The following ITGA1 variants were observed in gnomAD, a reference collection of about 807,000 sequenced individuals.
ITGA1 encodes integrin alpha-1.
ITGA1 carries 85 observed loss-of-function variants against 145.9 expected under a neutral mutation model. The ratio of observed to expected loss-of-function variants is 0.58; its 90% confidence interval spans 0.49 to 0.70. The LOEUF is 0.70. ITGA1 is among the 30% of genes least tolerant of loss of function. The pLI is 0.00. For missense variants in ITGA1, 1,351 were observed against 1,418.7 expected (o/e 0.95, Z 0.77); for synonymous variants, 520 against 495.3 (o/e 1.05, Z -0.66).
intron 1 of ITGA1, among the ~76,000 whole-genome samples, chr5:52,825,616 G>A (rs556713138): frequency 6.6e-6 from 1 of 152,176 alleles, no homozygotes; most frequent in African/African-American, 2.4e-5. Flanking sequence ...AGGCACAAAA[G>A]TATTGAAATT....
intron 23 of ITGA1, among the ~76,000 whole-genome samples, chr5:52,934,395 T>C (rs1750935859): frequency 6.6e-6 from 1 of 151,848 alleles, no homozygotes; most frequent in African/African-American, 2.4e-5. Flanking sequence ...AAAGCACTTT[T>C]TCATTAATTA....
chr5:52,802,859 T>A (rs1454401424), intron 1 of ITGA1: 1 of 152,216 alleles, frequency 6.6e-6, no homozygotes, highest in African/African-American at 2.4e-5. Flanking sequence ...CAATACTCTT[T>A]ACTATCATTG....
chr5:52,881,805 G>A, intron 6 of ITGA1, 68 bp from the exon 7 acceptor site: 1 of 1,442,922 alleles, frequency 6.9e-7, no homozygotes, highest in Non-Finnish European at 9.5e-7. Context: ...GATTCACATG[G>A]TTAACCTGAA....
Position 52,939,900 on chromosome 5 carries a change from C to T in ITGA1, c.3241C>T (p.Gln1081Ter), listed in dbSNP as rs760937519. Residue 1081 changes from glutamine (Q) to a stop codon, truncating the protein, a stop_gained, in exon 26 of 29, where the codon CAA becomes TAA. Transcript: ENST00000282588. LOFTEE classifies it high-confidence loss of function. ...TCNLTSSDIS[Q>*]VNVSLILWKP... ...TAATCTCACTTCTTCTGACATCAGCCAAGTCAATGTTTCGCTTATCTTGTG... is the reference window on the plus strand; with the variant it reads ...TAATCTCACTTCTTCTGACATCAGCTAAGTCAATGTTTCGCTTATCTTGTG... The T allele has an allele frequency of 6.2e-7, 1 of 1,613,354 alleles. No homozygotes were observed. The highest frequency in any genetic ancestry group is 1.1e-5 in the South Asian group (1 of 91,058).
In ITGA1 at chr5:52,915,544, C is replaced by A. The variant is rs1750631428; in HGVS notation, c.1938C>A (p.Asp646Glu). Residue 646 changes from aspartate (D) to glutamate (E), a missense_variant, in exon 15 of 29, where the codon GAC (aspartate) becomes GAA (glutamate). Transcript: ENST00000282588. Reference sequence around the variant, plus strand: ...ACGGAGAAATGGATTTAAATGGTGACGGTCTGACAGATGTGACTATTGGGG... The same window carrying A: ...ACGGAGAAATGGATTTAAATGGTGAAGGTCTGACAGATGTGACTATTGGGG... ...SIHGEMDLNGDGLTDVTIGGL... is the reference protein window; with the variant it reads ...SIHGEMDLNGEGLTDVTIGGL... 1.2e-6 allele frequency: 2 copies of A among 1,613,874 alleles called. No homozygotes were observed. The highest frequency in any genetic ancestry group is 1.7e-6 in the Non-Finnish European group (2 of 1,179,952).
chr5:52,897,342 T>A, intron 9 of ITGA1, 113 bp from the exon 10 acceptor site: 2 of 710,020 alleles, frequency 2.8e-6, no homozygotes, highest in Non-Finnish European at 4.7e-6. Context: ...CTAAGATGTT[T>A]GAAGTTCTGG....
Position 52,905,522 on chromosome 5 carries a change from T to TA in ITGA1, c.1310-238dup, listed in dbSNP as rs565738171. On this transcript the variant is annotated intron_variant, in intron 11 of 28. Transcript: ENST00000282588. ...ATCATTGTTATATCATTTGTGATTT[T>TA]AAATAATGAAAAACTCAGATTGGGG... The TA allele has an allele frequency of 1.7e-3, 502 of 303,712 alleles. 5 individuals are homozygous for TA. The South Asian group carries it at 0.029, about 18-fold the overall frequency. 18.8% of individuals were successfully genotyped at this position (303,712 alleles called of 1,614,324 possible).
At chr5:52,895,970 A>G (rs1750217612) in intron 9 of ITGA1, among the ~76,000 whole-genome samples, 1 of 152,110 alleles carries the variant, frequency 6.6e-6, no homozygotes, top group Non-Finnish European at 1.5e-5. Context: ...TGATTATGAA[A>G]TTTCTGTTTG....
chr5:52,911,523 ATATC>A (rs1191219657), intron 14 of ITGA1, among the ~76,000 whole-genome samples: 6 of 98,208 alleles, frequency 6.1e-5, no homozygotes, highest in Admixed American at 1.2e-4. Flanking sequence ...TATAGTATAT[ATATC>A]TATATATTAG....
At chr5:52,849,263 G>T in intron 1 of ITGA1, 102 bp from the exon 2 acceptor site, 1 of 975,222 alleles carries the variant, frequency 1.0e-6, no homozygotes, top group African/African-American at 1.6e-5. Flanking sequence ...TTTTTTAATA[G>T]AAACAGCTTT....
chr5:52,806,731 T>A (rs1314325029), intron 1 of ITGA1, among the ~76,000 whole-genome samples: 2 of 152,158 alleles, frequency 1.3e-5, no homozygotes, highest in Non-Finnish European at 2.9e-5. Context: ...CAGTAACATG[T>A]TATTATATTG....
rs1751308152 is a variant in ITGA1, at chr5:52,956,512, A to G, written c.*4061A>G. The G allele has an allele frequency of 6.6e-6, 1 of 152,212 alleles. No homozygotes were observed. Among genetic ancestry groups the G allele is most frequent in the African/African-American group, 2.4e-5 (1 of 41,448 alleles). 9.4% of individuals were successfully genotyped at this position (152,212 alleles called of 1,614,324 possible). On this transcript the variant is annotated 3_prime_UTR_variant, in exon 29 of 29. Transcript: ENST00000282588. ...TCTGAGTACCAGCTTCAGTGACTCA[A>G]TCATTTATACAGGATTTCAGTGTTT... is the stretch of plus-strand genomic sequence containing the variant.
chr5:52,949,461 T>A (rs1751185768), intron 28 of ITGA1, among the ~76,000 whole-genome samples: 1 of 152,186 alleles, frequency 6.6e-6, no homozygotes, highest in Non-Finnish European at 1.5e-5. Context: ...TTCGACCAAG[T>A]ATTTTAACTA....
chr5:52,926,497 G>A (rs2111881194), intron 19 of ITGA1, among the ~76,000 whole-genome samples: 1 of 141,476 alleles, frequency 7.1e-6, no homozygotes, highest in South Asian at 2.5e-4. Flanking sequence ...AGCTACTCAG[G>A]AGGCTGAGGC....
intron 2 of ITGA1, among the ~76,000 whole-genome samples, chr5:52,854,356 TA>T (rs1749475075): frequency 6.6e-6 from 1 of 152,220 alleles, no homozygotes; most frequent in Non-Finnish European, 1.5e-5. Context: ...CAGATTTTAA[TA>T]TGCTTATTTT....
intron 1 of ITGA1, among the ~76,000 whole-genome samples, chr5:52,810,696 A>G (rs1748671181): frequency 6.6e-6 from 1 of 152,198 alleles, no homozygotes; most frequent in Admixed American, 6.5e-5. Context: ...TTTCAAGAGA[A>G]TGAGTCTGTT....
intron 6 of ITGA1, among the ~76,000 whole-genome samples, chr5:52,880,538 C>T (rs570498360): frequency 3.2e-4 from 49 of 152,262 alleles, no homozygotes; most frequent in African/African-American, 1.1e-3. Flanking sequence ...GAAATTAAGA[C>T]TAAAGCTTTC....
chr5:52,907,540 G>A (rs544316543), intron 12 of ITGA1, among the ~76,000 whole-genome samples: 4 of 152,278 alleles, frequency 2.6e-5, no homozygotes, highest in African/African-American at 7.2e-5. Flanking sequence ...TCAAGCCTGG[G>A]AATCTGAAAG....
chr5:52,910,558 GT>G lies in ITGA1; in HGVS notation c.1857+145del, dbSNP rs902787224. On this transcript the variant is annotated intron_variant, in intron 14 of 28. Coordinates refer to ENST00000282588, the MANE Select transcript of ITGA1 (RefSeq NM_181501.2). ...AAACTGGATTTAATTCTCTTTAAGT[GT>G]TTTTTATAGATTAGTTACTATATAT... is the stretch of plus-strand genomic sequence containing the variant. 5.9e-5 allele frequency: 49 copies of G among 826,682 alleles called. 1 individual carries two copies. In the East Asian group the frequency reaches 8.7e-4, roughly 15 times the overall value. The allele number at this position is 826,682 out of a possible 1,614,324, so 51.2% of individuals were successfully genotyped here.
Sources: allele counts gnomAD v4.1 joint callset (sites outside exome capture counted in the v4.1 genomes callset), GRCh38; gene constraint gnomAD v4.1.1; transcripts MANE v1.5; gene names NCBI Gene and HGNC (gene_info 2026-07-23, HGNC 2026-07-21).